Variants in C2 observed in about 807,000 individuals in gnomAD.
C2 encodes complement C2, also known as C3/C5 convertase.
A neutral mutation model predicts 85.2 loss-of-function variants in C2; 64 were observed. That is an observed-to-expected ratio of 0.75 (90% CI 0.61 to 0.92). The LOEUF is 0.92. Among genes scored for constraint, C2 ranks in the 40% least tolerant of loss-of-function variants. The pLI is 0.00. For missense variants in C2, 820 were observed against 971.6 expected (o/e 0.84, Z 2.07); for synonymous variants, 311 against 370.8 (o/e 0.84, Z 1.85).
Position 31,927,883 on chromosome 6 carries a change from C to A in C2, c.47-72C>A. 4 of 1,589,284 alleles carry A rather than the reference C, an allele frequency of 2.5e-6. No individual in the cohort carries two copies. Among genetic ancestry groups the A allele is most frequent in the African/African-American group, 1.3e-5 (1 of 74,474 alleles). Reference sequence around the variant, plus strand: ...TGAATTCCCATGTGTGAAACAGTCTCTTTTGCTTTCCTTTTCTCATCTGTG... The same window carrying A: ...TGAATTCCCATGTGTGAAACAGTCTATTTTGCTTTCCTTTTCTCATCTGTG... On this transcript the variant is annotated intron_variant, in intron 1 of 17. Coordinates refer to ENST00000299367, the MANE Select transcript of C2 (RefSeq NM_000063.6). The surrounding 1 kb of genome is among the most constrained non-coding windows in gnomAD (Gnocchi z 4.7).
chr6:31,931,185 T>C (rs538269345), intron 3 of C2, among the ~76,000 whole-genome samples: 2 of 152,360 alleles, frequency 1.3e-5, no homozygotes, highest in East Asian at 1.9e-4. Context: ...TATATTACAA[T>C]TTATCCATTC....
In C2 at chr6:31,928,137, C is replaced by T. The variant is rs768231128; in HGVS notation, c.229C>T (p.Arg77Trp). The change falls in exon 2 of 18, where the codon CGG (arginine) becomes TGG (tryptophan). Residue 77 changes from arginine (R) to tryptophan (W), a missense_variant. By Grantham distance (101) the Arg-to-Trp change is moderately radical. Transcript: ENST00000299367. ...ACAGTGGCAGACCCCAGGAGCCACC[C>T]GGTCTCTGTCTAAGGCGGTCTGCAA... Reference protein sequence around the residue: ...SGQWQTPGATRSLSKAVCKPV... With the variant: ...SGQWQTPGATWSLSKAVCKPV... The T allele has an allele frequency of 1.1e-5, 17 of 1,611,944 alleles. No homozygotes were observed. The highest frequency in any genetic ancestry group is 6.7e-5 in the African/African-American group (5 of 74,916).
chr6:31,943,979 C>A lies in C2; in HGVS notation c.1796C>A (p.Thr599Asn). The part of the protein sequence containing the change: ...NLALRRPQGS[T>N]CRDHENELLN... The stretch of plus-strand genomic sequence containing the variant: ...GCTCTGCGGAGACCTCAAGGCAGCA[C>A]CTGTAGGGACCATGGTGAGTGCTGG... The change falls in exon 14 of 18, where the codon ACC (threonine) becomes AAC (asparagine). Residue 599 changes from threonine to asparagine, a missense_variant. Physicochemically the swap from Thr to Asn is moderately conservative, Grantham distance 65 (BLOSUM62 0). Coordinates refer to ENST00000299367, the MANE Select transcript of C2 (RefSeq NM_000063.6). The surrounding 1 kb of genome is among the most constrained non-coding windows in gnomAD (Gnocchi z 6.4). 6.2e-7 allele frequency: 1 copy of A among 1,612,924 alleles called. No individual in the cohort carries two copies. Among genetic ancestry groups the A allele is most frequent in the Non-Finnish European group, 8.5e-7 (1 of 1,179,982 alleles).
chr6:31,918,396 G>A (rs899473127), upstream of C2, among the ~76,000 whole-genome samples: 8 of 151,938 alleles, frequency 5.3e-5, no homozygotes, highest in Non-Finnish European at 8.8e-5. Context: ...AGGCCAGTCC[G>A]GGCAACATAC....
intron 1 of C2, among the ~76,000 whole-genome samples, chr6:31,902,421 C>T (rs1367615264): frequency 6.6e-6 from 1 of 152,072 alleles, no homozygotes; most frequent in Non-Finnish European, 1.5e-5. Flanking sequence ...CGCACCCGTT[C>T]TCTCGGCTGC....
At chr6:31,900,637 G>C (rs751626028), upstream of C2, 9 of 1,612,684 alleles carry the variant, frequency 5.6e-6, no homozygotes, top group African/African-American at 8.0e-5. The surrounding 1 kb of genome is among the most constrained non-coding windows in gnomAD (Gnocchi z 9.7). Context: ...CAGGGGGTTT[G>C]AGCCGGTGTG....
At chr6:31,900,581 T>C, upstream of C2, 1 of 1,612,184 alleles carries the variant, frequency 6.2e-7, no homozygotes. This position sits in a 1 kb window ranked among gnomAD's most constrained non-coding sequence, Gnocchi z 9.7. Flanking sequence ...CTCCCCAAGG[T>C]GGCCACCCAC....
At chr6:31,903,009 G>A (rs1211729490) in intron 1 of C2, among the ~76,000 whole-genome samples, 1 of 152,058 alleles carries the variant, frequency 6.6e-6, no homozygotes, top group Non-Finnish European at 1.5e-5. Context: ...CTGCGCCCGG[G>A]CCTTCTCTTT....
At chr6:31,929,212 G>T (rs1769521699) in intron 3 of C2, among the ~76,000 whole-genome samples, 1 of 152,198 alleles carries the variant, frequency 6.6e-6, no homozygotes, top group Non-Finnish European at 1.5e-5. Context: ...CCCACAGATT[G>T]TTGTAGGGAA....
upstream of C2, chr6:31,900,712 A>C (rs199535985): frequency 6.2e-7 from 1 of 1,603,704 alleles, no homozygotes; most frequent in Non-Finnish European, 8.5e-7. The surrounding 1 kb of genome is among the most constrained non-coding windows in gnomAD (Gnocchi z 9.7). Context: ...CCTCATCCTC[A>C]TCCTCTTCCT....
At chr6:31,897,831 G>C, upstream of C2, 1 of 1,040,352 alleles carries the variant, frequency 9.6e-7, no homozygotes. Flanking sequence ...ACTGTCCTAA[G>C]CTGGGAGCTG....
At chr6:31,916,895 G>T (rs1429126808), upstream of C2, among the ~76,000 whole-genome samples, 5 of 144,974 alleles carry the variant, frequency 3.4e-5, no homozygotes, top group Non-Finnish European at 7.5e-5. Context: ...AAAAAGGCTG[G>T]CTGTGGTGGC....
At position 31,944,625 on chromosome 6, in the gene C2, C is replaced by A; in HGVS notation, c.1903-102C>A. ...TGAACTCCTGACCTCAAGTGATCTG[C>A]CTGCCTCAACCTCCCAAAGTGCTGA... On this transcript the variant is annotated intron_variant, in intron 15 of 17. Transcript: ENST00000299367. This position sits in a 1 kb window ranked among gnomAD's most constrained non-coding sequence, Gnocchi z 5.1. The A allele has an allele frequency of 6.2e-6, 8 of 1,289,188 alleles. No homozygotes were observed. Among genetic ancestry groups the A allele is most frequent in the Non-Finnish European group, 9.0e-6 (8 of 887,534 alleles). The allele number at this position is 1,289,188 out of a possible 1,614,324, so 79.9% of individuals were successfully genotyped here.
intron 1 of C2, among the ~76,000 whole-genome samples, chr6:31,914,830 G>A (rs1037380500): frequency 4.7e-5 from 7 of 149,950 alleles, no homozygotes; most frequent in Non-Finnish European, 7.4e-5. Flanking sequence ...GGAGAATGGC[G>A]TGAACCCGGG....
At position 31,944,696 on chromosome 6, in the gene C2, A is replaced by G. The variant is rs1282990903; in HGVS notation, c.1903-31A>G. ...GCACCCACCCGGGTCTGCTTATTCT[A>G]CCCTTCTCTCTGGTTCCACCCCTGC... On this transcript the variant is annotated intron_variant, in intron 15 of 17. Coordinates refer to ENST00000299367, the MANE Select transcript of C2 (RefSeq NM_000063.6). This position sits in a 1 kb window ranked among gnomAD's most constrained non-coding sequence, Gnocchi z 5.1. 6.2e-7 allele frequency: 1 copy of G among 1,612,412 alleles called. No individual in the cohort carries two copies.
At chr6:31,918,647 T>A (rs1309517640), upstream of C2, among the ~76,000 whole-genome samples, 1 of 150,148 alleles carries the variant, frequency 6.7e-6, no homozygotes, top group African/African-American at 2.5e-5. Flanking sequence ...CGCCTGTAAT[T>A]CCAGCACTTT....
chr6:31,916,558 CAAAA>C (rs9279453), upstream of C2, among the ~76,000 whole-genome samples: 5 of 81,056 alleles, frequency 6.2e-5, no homozygotes, highest in Admixed American at 1.4e-4. Flanking sequence ...GACTCCGTCT[CAAAA>C]AAAAAAAAAA....
At chr6:31,925,451 C>G (rs1015583626), upstream of C2, among the ~76,000 whole-genome samples, 1 of 152,136 alleles carries the variant, frequency 6.6e-6, no homozygotes, top group Non-Finnish European at 1.5e-5. Flanking sequence ...TGCCACCACG[C>G]CCAGCTAATT....
chr6:31,938,928 CA>C (rs1195457718), intron 8 of C2, among the ~76,000 whole-genome samples: 1 of 152,152 alleles, frequency 6.6e-6, no homozygotes, highest in Non-Finnish European at 1.5e-5. Context: ...GCTGGGATTA[CA>C]GGCATGAGCC....
Sources: allele counts gnomAD v4.1 joint callset (sites outside exome capture counted in the v4.1 genomes callset), GRCh38; gene constraint gnomAD v4.1.1; non-coding constraint Gnocchi (gnomAD v3.1); transcripts MANE v1.5; gene names NCBI Gene and HGNC (gene_info 2026-07-23, HGNC 2026-07-21).